The following AGPAT5 variants were observed in gnomAD, a reference collection of about 807,000 sequenced individuals.
The protein encoded by AGPAT5 is 1-acyl-sn-glycerol-3-phosphate acyltransferase epsilon.
Under a neutral mutation model 45.6 loss-of-function variants are expected in AGPAT5, and 46 were observed. The ratio of observed to expected loss-of-function variants is 1.01; its 90% CI spans 0.80 to 1.29. The LOEUF is 1.29. AGPAT5 is among the 50% of genes most tolerant of loss of function. The probability of loss-of-function intolerance (pLI) is 0.00; values close to 1 mark genes in which losing one functional copy is unlikely to be tolerated. For synonymous variants in AGPAT5, 272 were observed against 167.0 expected, an observed-to-expected ratio of 1.63 and a Z score of -4.85; for missense variants, 673 against 450.7, an observed-to-expected ratio of 1.49 and a Z score of -4.47.
chr8:6,732,527 G>A, intron 3 of AGPAT5, 34 bp from the exon 4 acceptor site: 2 of 1,552,334 alleles, frequency 1.3e-6, no homozygotes, highest in Non-Finnish European at 8.7e-7. Flanking sequence ...TATTTTAAAA[G>A]TAAATGCTCT....
In AGPAT5 at chr8:6,730,410, G is replaced by A. The variant is rs112296884; in HGVS notation, c.290-301G>A. ...AGTGGCGCAATCTCGGTTCACTGCA[G>A]GCTCCGCCCCCTGGGGTTCACGCCA... On this transcript the variant is annotated intron_variant, in intron 2 of 7. Transcript: ENST00000285518. Among the ~76,000 whole-genome samples, 7 of 12,264 alleles carry A rather than the reference G, an allele frequency of 5.7e-4. 1 individual carries two copies. Among genetic ancestry groups the A allele is most frequent in the Admixed American group, 4.0e-3 (3 of 754 alleles). The allele number at this position is 12,264 out of a possible 152,430, so 8.0% of individuals were successfully genotyped here.
At chr8:6,729,951 T>G (rs1356294821) in intron 2 of AGPAT5, among the ~76,000 whole-genome samples, 1 of 152,314 alleles carries the variant, frequency 6.6e-6, no homozygotes, top group East Asian at 1.9e-4. Flanking sequence ...ATTGCTGTCC[T>G]AACCTAGTAC....
rs1801671534 is a variant in AGPAT5 at position 6,751,971 on chromosome 8, G to C, written c.746-3080G>C. Among the ~76,000 whole-genome samples the C allele has an allele frequency of 2.6e-5, 4 of 152,220 alleles. No individual in the cohort carries two copies. In the South Asian group the frequency reaches 6.2e-4, roughly 24 times the overall value. On this transcript the variant is annotated intron_variant, in intron 6 of 7. Coordinates refer to ENST00000285518, the MANE Select transcript of AGPAT5 (RefSeq NM_018361.5). ...AGGCGGGTGGATCACAAGGTCAGGA[G>C]TTCTAGACCAGCGTGACCAACACGG...
At chr8:6,755,027 AG>A (rs772884046) in intron 6 of AGPAT5, 23 bp from the exon 7 acceptor site, 1 of 1,546,506 alleles carries the variant, frequency 6.5e-7, no homozygotes, top group South Asian at 1.2e-5. Flanking sequence ...GTAAAAAAAA[AG>A]AATTATTTTT....
chr8:6,714,241 T>A (rs1563281189), intron 1 of AGPAT5, among the ~76,000 whole-genome samples: 1 of 152,242 alleles, frequency 6.6e-6, no homozygotes, highest in Non-Finnish European at 1.5e-5. Context: ...GATCTTAAAT[T>A]GCTTCCTTCA....
intron 6 of AGPAT5, 151 bp from the exon 7 acceptor site, chr8:6,754,900 T>C: frequency 1.6e-6 from 1 of 608,974 alleles, no homozygotes; most frequent in Non-Finnish European, 2.6e-6. Flanking sequence ...TAATCCTTTT[T>C]TTTTAACTTT....
chr8:6,751,338 G>A (rs549803290), intron 6 of AGPAT5, among the ~76,000 whole-genome samples: 32 of 152,280 alleles, frequency 2.1e-4, no homozygotes, highest in African/African-American at 7.7e-4. Flanking sequence ...GATATGCCAT[G>A]GCCCAGTGTT....
intron 1 of AGPAT5, 150 bp downstream of exon 1, chr8:6,709,037 G>A: frequency 3.8e-6 from 3 of 790,050 alleles, no homozygotes; most frequent in South Asian, 1.5e-5. Context: ...CTTCCTCTCC[G>A]CATGCTTCCT....
intron 4 of AGPAT5, among the ~76,000 whole-genome samples, chr8:6,739,037 C>A (rs1021459469): frequency 2.6e-5 from 4 of 151,726 alleles, no homozygotes; most frequent in African/African-American, 9.7e-5. Context: ...ATATAGGTAA[C>A]CATCACTATA....
rs567251015 is a variant in AGPAT5 at position 6,761,451 on chromosome 8, G to A, written c.*4063G>A. On this transcript the variant is annotated 3_prime_UTR_variant, in exon 8 of 8. Transcript: ENST00000285518. ...AATAAAGTCTGACTTGTGTTTTTGAGATTATTGGTGCCTCATTAATTCAGC... is the reference window on the plus strand; with the variant it reads ...AATAAAGTCTGACTTGTGTTTTTGAAATTATTGGTGCCTCATTAATTCAGC... Among the ~76,000 whole-genome samples the A allele has an allele frequency of 6.6e-6, 1 of 152,122 alleles. No homozygotes were observed. The highest frequency in any genetic ancestry group is 6.5e-5 in the Admixed American group (1 of 15,272).
chr8:6,718,576 C>T (rs1800406562), intron 1 of AGPAT5, among the ~76,000 whole-genome samples: 1 of 152,216 alleles, frequency 6.6e-6, no homozygotes, highest in South Asian at 2.1e-4. Flanking sequence ...AGTCTGCAAG[C>T]ATCCTGATTT....
At chr8:6,714,654 T>TC in intron 1 of AGPAT5, among the ~76,000 whole-genome samples, 1 of 152,356 alleles carries the variant, frequency 6.6e-6, no homozygotes, top group East Asian at 1.9e-4. Context: ...CCTAGGTACA[T>TC]CCCAGTTTGG....
chr8:6,737,023 C>G (rs1026408901), intron 4 of AGPAT5, among the ~76,000 whole-genome samples: 7 of 152,124 alleles, frequency 4.6e-5, no homozygotes, highest in African/African-American at 1.7e-4. Flanking sequence ...ATGTTATATC[C>G]AGCTTTTTAA....
At position 6,727,474 on chromosome 8, in the gene AGPAT5, C is replaced by T. The variant is rs148201484; in HGVS notation, c.289+2535C>T. ...TCAGCTCACTGCAACCTTTGCCTCCCGGGTTCAAGCCATTTTCCTGCCTCA... is the reference window on the plus strand; with the variant it reads ...TCAGCTCACTGCAACCTTTGCCTCCTGGGTTCAAGCCATTTTCCTGCCTCA... On this transcript the variant is annotated intron_variant, in intron 2 of 7. Coordinates refer to ENST00000285518, the MANE Select transcript of AGPAT5 (RefSeq NM_018361.5). Among the ~76,000 whole-genome samples, 1,498 of 152,184 alleles carry T rather than the reference C, an allele frequency of 9.8e-3. 25 individuals are homozygous for T. Among genetic ancestry groups the T allele is most frequent in the African/African-American group, 0.034 (1,407 of 41,510 alleles).
chr8:6,749,709 C>T (rs1385917892), intron 6 of AGPAT5, among the ~76,000 whole-genome samples: 1 of 152,170 alleles, frequency 6.6e-6, no homozygotes, highest in Non-Finnish European at 1.5e-5. Context: ...TGAAAACAGA[C>T]AGTTCATCAA....
chr8:6,709,979 A>T (rs1390212864), intron 1 of AGPAT5, among the ~76,000 whole-genome samples: 5 of 152,136 alleles, frequency 3.3e-5, no homozygotes, highest in Non-Finnish European at 5.9e-5. Context: ...AATTTCAATA[A>T]TTCAGGCTAA....
chr8:6,717,596 G>C (rs1419946424), intron 1 of AGPAT5, among the ~76,000 whole-genome samples: 1 of 152,230 alleles, frequency 6.6e-6, no homozygotes, highest in East Asian at 1.9e-4. Flanking sequence ...ACAAAGAACT[G>C]AGGAAATAAA....
intron 6 of AGPAT5, among the ~76,000 whole-genome samples, chr8:6,751,488 T>C (rs1463571893): frequency 6.6e-6 from 1 of 152,232 alleles, no homozygotes; most frequent in Non-Finnish European, 1.5e-5. Context: ...GCTGCAGTGC[T>C]AACAAATGCT....
intron 1 of AGPAT5, among the ~76,000 whole-genome samples, chr8:6,717,461 T>A (rs1314283032): frequency 6.6e-6 from 1 of 152,238 alleles, no homozygotes; most frequent in East Asian, 1.9e-4. Flanking sequence ...AAAGGTGTAA[T>A]GTTCTAGACT....
Sources: gnomAD v4.1 joint callset for allele counts (sites outside exome capture counted in the v4.1 genomes callset) on GRCh38, gnomAD v4.1.1 for gene constraint, MANE v1.5 for transcripts, NCBI Gene and HGNC (gene_info 2026-07-23, HGNC 2026-07-21) for gene names.